The following TFRC variants were observed in gnomAD, a reference collection of about 807,000 sequenced individuals.
The protein encoded by TFRC is transferrin receptor.
A neutral mutation model predicts 85.8 loss-of-function variants in TFRC; 35 were observed. The observed-to-expected ratio is 0.41, with a 90% CI of 0.31 to 0.54. TFRC has a LOEUF of 0.54. Ranked by LOEUF, TFRC falls within the 20% of genes least tolerant of loss-of-function variation. TFRC has a pLI of 0.31. For missense variants in TFRC, 828 were observed against 921.5 expected, an observed-to-expected ratio of 0.90 and a Z score of 1.31; for synonymous variants, 362 against 328.6, an observed-to-expected ratio of 1.10 and a Z score of -1.10.
At chr3:196,064,197 G>A in intron 11 of TFRC, 112 bp downstream of exon 11, 1 of 1,173,946 alleles carries the variant, frequency 8.5e-7, no homozygotes, top group Non-Finnish European at 1.1e-6. Flanking sequence ...TTAAGAACTA[G>A]AGTCTAGCAT....
chr3:196,051,323 G>A lies in TFRC; in HGVS notation c.*619C>T, dbSNP rs183985298. The A allele has an allele frequency of 4.1e-5, 9 of 220,006 alleles. No individual in the cohort carries two copies. The highest frequency in any genetic ancestry group is 1.3e-4 in the African/African-American group (6 of 44,738). 13.6% of individuals were successfully genotyped at this position (220,006 alleles called of 1,614,324 possible). ...CCCCTCTTTTCATAAATGACACTGAGGTTAACATATTAAGGCCTTATTCCT... is the reference window on the plus strand; with the variant it reads ...CCCCTCTTTTCATAAATGACACTGAAGTTAACATATTAAGGCCTTATTCCT... On this transcript the variant is annotated 3_prime_UTR_variant, in exon 19 of 19. Transcript: ENST00000360110.
chr3:196,064,288 G>C (rs375669825), intron 11 of TFRC, 21 bp downstream of exon 11: 80 of 1,600,010 alleles, frequency 5.0e-5, no homozygotes, highest in Non-Finnish European at 6.3e-5. Flanking sequence ...ATATTCAAAA[G>C]AATCAAAATT....
chr3:196,069,647 G>A, intron 6 of TFRC, 79 bp from the exon 7 acceptor site: 1 of 899,196 alleles, frequency 1.1e-6, no homozygotes, highest in Non-Finnish European at 1.7e-6. Context: ...GAGTGTTATA[G>A]ATCAAACCTA....
At position 196,069,276 on chromosome 3, in the gene TFRC, C is replaced by G. The variant is rs557064358; in HGVS notation, c.801+179G>C. On this transcript the variant is annotated intron_variant, in intron 7 of 18. Transcript: ENST00000360110. ...AGAAATAGCTTTCACTTAAGCACTT[C>G]TGATTAGGTAAGTGGAACTTACTTC... is the stretch of plus-strand genomic sequence containing the variant. Among the ~76,000 whole-genome samples the G allele has an allele frequency of 3.9e-5, 6 of 152,212 alleles. No homozygotes were observed. In the East Asian group the frequency reaches 1.2e-3, roughly 29 times the overall value.
At chr3:196,053,636 G>A (rs985295926) in intron 17 of TFRC, 78 bp from the exon 18 acceptor site, 26 of 1,558,424 alleles carry the variant, frequency 1.7e-5, no homozygotes, top group Admixed American at 1.2e-4. Flanking sequence ...TTTAACGTGC[G>A]TTAAGTAAGA....
In TFRC at chr3:196,049,686, C is replaced by T. The variant is rs143888949; in HGVS notation, c.*2256G>A. On this transcript the variant is annotated 3_prime_UTR_variant, in exon 19 of 19. Coordinates refer to ENST00000360110, the MANE Select transcript of TFRC (RefSeq NM_001128148.3). ...TGCCCTGTATTCATATTGTGTTATA[C>T]GATGAACATGCCACATGCTTTCATT... 1.5e-3 allele frequency: 342 copies of T among 229,306 alleles called. 1 individual carries two copies. The highest frequency in any genetic ancestry group is 2.3e-3 in the Non-Finnish European group (266 of 115,622). The allele number at this position is 229,306 out of a possible 1,614,324, so 14.2% of individuals were successfully genotyped here.
intron 8 of TFRC, 112 bp downstream of exon 8, chr3:196,067,920 C>T: frequency 1.1e-6 from 1 of 874,420 alleles, no homozygotes; most frequent in Non-Finnish European, 1.8e-6. Context: ...CTGCTAACGC[C>T]CTCCCAGAAA....
At position 196,072,119 on chromosome 3, in the gene TFRC, C is replaced by G; in HGVS notation, c.468G>C (p.Glu156Asp). 2 of 1,614,072 alleles carry G rather than the reference C, an allele frequency of 1.2e-6. No homozygotes were observed. The highest frequency in any genetic ancestry group is 1.7e-6 in the Non-Finnish European group (2 of 1,180,010). Residue 156 changes from glutamate (E) to aspartate (D), a missense_variant, in exon 5 of 19, where the codon GAG (glutamate) becomes GAC (aspartate). Glu to Asp is a conservative substitution (Grantham distance 45). Transcript: ENST00000360110. ...GATTTTCATCTTTTTGAGATCCAGC[C>G]TCACGAGGGACATATGAATTTTCAT... ...LLNENSYVPR[E>D]AGSQKDENLA...
chr3:196,075,069 AG>A, intron 3 of TFRC, 89 bp downstream of exon 3: 1 of 967,198 alleles, frequency 1.0e-6, no homozygotes, highest in Non-Finnish European at 1.5e-6. Flanking sequence ...AAAAAAAATA[AG>A]GTACAAAATA....
At chr3:196,061,732 C>T (rs372929995) in intron 13 of TFRC, among the ~76,000 whole-genome samples, 138 of 152,264 alleles carry the variant, frequency 9.1e-4, no homozygotes, top group African/African-American at 2.9e-3. Flanking sequence ...TCAGGTGATC[C>T]GCCTGCCTTG....
Position 196,050,611 on chromosome 3 carries a change from A to C in TFRC, c.*1331T>G, listed in dbSNP as rs1194161019. 4.9e-6 allele frequency: 1 copy of C among 203,640 alleles called. No homozygotes were observed. The highest frequency in any genetic ancestry group is 2.3e-5 in the African/African-American group (1 of 43,722). 12.6% of individuals were successfully genotyped at this position (203,640 alleles called of 1,614,324 possible). ...ACACTGCTCCCGATAATGTGTTAGGATTGTGACAAAGGTACTGGAAATTTT... is the reference window on the plus strand; with the variant it reads ...ACACTGCTCCCGATAATGTGTTAGGCTTGTGACAAAGGTACTGGAAATTTT... On this transcript the variant is annotated 3_prime_UTR_variant, in exon 19 of 19. Coordinates refer to ENST00000360110, the MANE Select transcript of TFRC (RefSeq NM_001128148.3).
At chr3:196,052,613 G>C (rs1716427085) in intron 18 of TFRC, among the ~76,000 whole-genome samples, 1 of 151,846 alleles carries the variant, frequency 6.6e-6, no homozygotes, top group Non-Finnish European at 1.5e-5. Context: ...GCTAATTTTT[G>C]TATTTTTAGT....
At chr3:196,063,820 G>A (rs2300779) in intron 11 of TFRC, among the ~76,000 whole-genome samples, 11,645 of 152,200 alleles carry the variant, frequency 0.077, 565 homozygotes, top group East Asian at 0.17. Flanking sequence ...AGGAGGCTGA[G>A]GCAGGAGAAT....
At chr3:196,063,844 G>C (rs768784583) in intron 11 of TFRC, among the ~76,000 whole-genome samples, 2 of 152,178 alleles carry the variant, frequency 1.3e-5, no homozygotes, top group Non-Finnish European at 2.9e-5. Flanking sequence ...TTGAAGTCGG[G>C]AGGCAGAGGT....
At chr3:196,053,147 A>G (rs146171965) in intron 18 of TFRC, among the ~76,000 whole-genome samples, 2 of 152,222 alleles carry the variant, frequency 1.3e-5, no homozygotes, top group Admixed American at 1.3e-4. Context: ...AAGGAAACTG[A>G]TTCATTTTAC....
Position 196,069,523 on chromosome 3 carries a change from C to T in TFRC, c.733G>A (p.Asp245Asn), listed in dbSNP as rs756556656. The T allele has an allele frequency of 1.2e-6, 2 of 1,613,412 alleles. No individual in the cohort carries two copies. The highest frequency in any genetic ancestry group is 1.7e-6 in the Non-Finnish European group (2 of 1,179,648). Residue 245 changes from aspartate to asparagine, a missense_variant, in exon 7 of 19, where the codon GAT becomes AAT. By Grantham distance (23) the Asp-to-Asn change is conservative. Transcript: ENST00000360110. ...GATCCATTCACAGGAGTGTATAAAT[C>T]CTCAAAATCTTTTTTAGTACCAAAA... Reference protein sequence around the residue: ...ANFGTKKDFEDLYTPVNGSIV... With the variant: ...ANFGTKKDFENLYTPVNGSIV...
chr3:196,080,031 T>C (rs1400637357), intron 1 of TFRC, among the ~76,000 whole-genome samples: 1 of 152,198 alleles, frequency 6.6e-6, no homozygotes, highest in African/African-American at 2.4e-5. Context: ...TTCCAAATGA[T>C]ATGAAAAATA....
chr3:196,081,214 C>G (rs865849157), intron 1 of TFRC, among the ~76,000 whole-genome samples: 1 of 152,214 alleles, frequency 6.6e-6, no homozygotes, highest in African/African-American at 2.4e-5. Flanking sequence ...ATAAGTCACT[C>G]CTATGGCTCC....
chr3:196,071,534 C>T (rs1718208713), intron 5 of TFRC, 36 bp from the exon 6 acceptor site: 3 of 1,594,272 alleles, frequency 1.9e-6, no homozygotes, highest in Non-Finnish European at 2.6e-6. Flanking sequence ...AGCCTAAGGT[C>T]ATCCTTCCAA....
Sources: allele counts gnomAD v4.1 joint callset (sites outside exome capture counted in the v4.1 genomes callset), GRCh38; gene constraint gnomAD v4.1.1; transcripts MANE v1.5; gene names NCBI Gene and HGNC (gene_info 2026-07-23, HGNC 2026-07-21).